ZNF292: variants seen among roughly 807,000 people sequenced by gnomAD.
ZNF292 encodes zinc finger protein 292, also known as 16 zinc-finger domain protein.
A neutral mutation model predicts 217.9 loss-of-function variants in ZNF292; 26 were observed. That is an observed-to-expected ratio of 0.12 (90% confidence interval 0.09 to 0.17). ZNF292 has a LOEUF of 0.17. ZNF292 is among the 10% of genes least tolerant of loss of function. ZNF292 has a pLI of 1.00. For missense variants in ZNF292, 2,904 were observed against 3,175.2 expected (o/e 0.91, Z 2.05); for synonymous variants, 1,257 against 1,124.1 (o/e 1.12, Z -2.37).
intron 1 of ZNF292, among the ~76,000 whole-genome samples, chr6:87,213,322 T>G (rs1049390889): frequency 1.3e-5 from 2 of 152,200 alleles, no homozygotes; most frequent in African/African-American, 4.8e-5. Flanking sequence ...ATAAATTTAA[T>G]TTTCACAGAA....
intron 1 of ZNF292, among the ~76,000 whole-genome samples, chr6:87,186,752 G>A (rs1771672114): frequency 2.0e-5 from 3 of 152,300 alleles, no homozygotes; most frequent in South Asian, 4.1e-4. Flanking sequence ...TCAAAAAACA[G>A]GCAGGGAAGT....
At chr6:87,229,467 C>T (rs1773537741) in intron 4 of ZNF292, among the ~76,000 whole-genome samples, 1 of 152,044 alleles carries the variant, frequency 6.6e-6, no homozygotes. Flanking sequence ...GCTCTTGTTG[C>T]CCAGGCTGGA....
intron 1 of ZNF292, among the ~76,000 whole-genome samples, chr6:87,207,023 G>A (rs780455615): frequency 6.6e-6 from 1 of 152,200 alleles, no homozygotes; most frequent in Non-Finnish European, 1.5e-5. Context: ...TGGATAGAAA[G>A]TTGTAACACC....
intron 3 of ZNF292, among the ~76,000 whole-genome samples, chr6:87,217,675 A>G (rs1268720973): frequency 6.6e-6 from 1 of 152,114 alleles, no homozygotes; most frequent in East Asian, 1.9e-4. Flanking sequence ...ATTATGAAGG[A>G]AGTAACTCTT....
At chr6:87,237,310 A>G (rs576949128) in intron 5 of ZNF292, among the ~76,000 whole-genome samples, 2 of 152,178 alleles carry the variant, frequency 1.3e-5, no homozygotes, top group African/African-American at 4.8e-5. Flanking sequence ...CAGTGGTGTG[A>G]TCTCAGCTCA....
rs189844334 is a variant in ZNF292, at chr6:87,194,450, T to G, written c.169-21453T>G. Among the ~76,000 whole-genome samples the G allele has an allele frequency of 2.0e-5, 3 of 152,250 alleles. No homozygotes were observed. In the East Asian group the frequency reaches 5.8e-4, roughly 29 times the overall value. ...AAAAAGAGTAAATTCATAAGTAAGT[T>G]TAACTTGCACATCTGACCAAGTGAA... is the stretch of plus-strand genomic sequence containing the variant. On this transcript the variant is annotated intron_variant, in intron 1 of 7. Coordinates refer to ENST00000369577, the MANE Select transcript of ZNF292 (RefSeq NM_015021.3).
intron 4 of ZNF292, among the ~76,000 whole-genome samples, chr6:87,222,469 T>C (rs1010253106): frequency 6.6e-5 from 10 of 152,330 alleles, no homozygotes; most frequent in African/African-American, 1.7e-4. Context: ...TTTCAGACTT[T>C]CCTTGTTTTT....
intron 1 of ZNF292, among the ~76,000 whole-genome samples, chr6:87,187,172 AGTT>A (rs1771690013): frequency 6.6e-6 from 1 of 152,238 alleles, no homozygotes; most frequent in African/African-American, 2.4e-5. Context: ...AACTAGAAAA[AGTT>A]GTCAGTCTTC....
At chr6:87,227,511 A>G (rs1773416660) in intron 4 of ZNF292, among the ~76,000 whole-genome samples, 2 of 152,192 alleles carry the variant, frequency 1.3e-5, no homozygotes. Flanking sequence ...TGTCAAATAC[A>G]TTCACATTGT....
intron 7 of ZNF292, among the ~76,000 whole-genome samples, chr6:87,246,002 G>GCAGGCAGATCACAAGGT (rs1342096946): frequency 6.6e-6 from 1 of 152,220 alleles, no homozygotes; most frequent in Non-Finnish European, 1.5e-5. Flanking sequence ...GGAGGCCAAG[G>GCAGGCAGATCACAAGGT]CAGGCAGATC....
At chr6:87,238,607 T>C (rs1774017931) in intron 5 of ZNF292, among the ~76,000 whole-genome samples, 1 of 145,710 alleles carries the variant, frequency 6.9e-6, no homozygotes, top group Non-Finnish European at 1.5e-5. Context: ...TTAGGTTTTA[T>C]TTTTTTGGTT....
At chr6:87,239,562 G>T (rs1412961824) in intron 5 of ZNF292, among the ~76,000 whole-genome samples, 11 of 130,030 alleles carry the variant, frequency 8.5e-5, no homozygotes, top group Non-Finnish European at 1.7e-4. Flanking sequence ...CAGGGCGGCT[G>T]CCGGGCGGAG....
At chr6:87,211,770 A>T (rs1162328851) in intron 1 of ZNF292, among the ~76,000 whole-genome samples, 1 of 152,194 alleles carries the variant, frequency 6.6e-6, no homozygotes, top group African/African-American at 2.4e-5. Context: ...TTACTCATTA[A>T]TGGAAGCAAT....
At chr6:87,218,761 G>A in intron 4 of ZNF292, 30 bp downstream of exon 4, 6 of 1,537,280 alleles carry the variant, frequency 3.9e-6, no homozygotes, top group Non-Finnish European at 4.4e-6. Flanking sequence ...AGAAAAAAAA[G>A]AATAATTAGA....
chr6:87,200,122 C>G (rs1772063882), intron 1 of ZNF292, among the ~76,000 whole-genome samples: 1 of 152,138 alleles, frequency 6.6e-6, no homozygotes, highest in African/African-American at 2.4e-5. Flanking sequence ...GGGTTATATT[C>G]TGTATAAGGG....
intron 3 of ZNF292, among the ~76,000 whole-genome samples, chr6:87,218,251 AC>A (rs1408140481): frequency 2.6e-5 from 4 of 152,004 alleles, no homozygotes; most frequent in Non-Finnish European, 5.9e-5. Flanking sequence ...TTGGGGGAAA[AC>A]TTTTTTAAAC....
chr6:87,161,174 A>G (rs1358038395), intron 1 of ZNF292, among the ~76,000 whole-genome samples: 1 of 152,192 alleles, frequency 6.6e-6, no homozygotes, highest in Admixed American at 6.5e-5. Context: ...AACTTTTGCT[A>G]GGTTAAAGAG....
intron 1 of ZNF292, among the ~76,000 whole-genome samples, chr6:87,214,246 A>G (rs1351334198): frequency 6.6e-6 from 1 of 152,166 alleles, no homozygotes; most frequent in East Asian, 1.9e-4. Context: ...TCATCATTAC[A>G]TTTAACAATG....
Position 87,256,251 on chromosome 6 carries a change from A to C in ZNF292, c.2622A>C (p.Ser874=), listed in dbSNP as rs1031100251. ...NIEKERSMLP[S]ENNIENSLLA... ...AGAAAGAAAGATCTATGCTTCCTTC[A>C]GAAAATAACATTGAAAACAGCTTAC... is the stretch of plus-strand genomic sequence containing the variant. The change falls in exon 8 of 8, where the codon TCA becomes TCC. Residue 874 remains serine (S), a synonymous_variant. Transcript: ENST00000369577. 6.2e-7 allele frequency: 1 copy of C among 1,613,800 alleles called. No homozygotes were observed. The highest frequency in any genetic ancestry group is 8.5e-7 in the Non-Finnish European group (1 of 1,179,830).
Sources: allele counts gnomAD v4.1 joint callset (sites outside exome capture counted in the v4.1 genomes callset), GRCh38; gene constraint gnomAD v4.1.1; transcripts MANE v1.5; gene names NCBI Gene and HGNC (gene_info 2026-07-23, HGNC 2026-07-21).